The following LMBRD2 variants were observed in gnomAD, a reference collection of about 807,000 sequenced individuals.
LMBRD2 encodes G protein-coupled receptor-associated protein LMBRD2.
LMBRD2 carries 55 observed loss-of-function variants against 94.4 expected under a neutral mutation model. The observed-to-expected ratio is 0.58, with a 90% confidence interval of 0.47 to 0.73. The LOEUF is 0.73. LMBRD2 is among the 30% of genes least tolerant of loss of function. LMBRD2 has a pLI of 0.00. For missense variants in LMBRD2, 640 were observed against 831.9 expected, an observed-to-expected ratio of 0.77 and a Z score of 2.84; for synonymous variants, 246 against 272.4, an observed-to-expected ratio of 0.90 and a Z score of 0.95.
At chr5:36,116,693 T>C in intron 10 of LMBRD2, 100 bp from the exon 11 acceptor site, 1 of 1,247,170 alleles carries the variant, frequency 8.0e-7, no homozygotes, top group Non-Finnish European at 1.1e-6. Flanking sequence ...TTTTGTTTTT[T>C]TGAGATGGAG....
chr5:36,128,778 C>T (rs1266583525), intron 6 of LMBRD2, among the ~76,000 whole-genome samples: 1 of 152,128 alleles, frequency 6.6e-6, no homozygotes, highest in East Asian at 1.9e-4. Flanking sequence ...CCTGAAGACA[C>T]AGAGATATGT....
chr5:36,121,697 T>C (rs368855307), intron 9 of LMBRD2, among the ~76,000 whole-genome samples: 9 of 152,316 alleles, frequency 5.9e-5, no homozygotes, highest in African/African-American at 2.2e-4. Context: ...ATGTGTCACA[T>C]AACAACATTC....
At chr5:36,125,032 GC>G (rs1302748232) in intron 6 of LMBRD2, among the ~76,000 whole-genome samples, 1 of 152,126 alleles carries the variant, frequency 6.6e-6, no homozygotes, top group Non-Finnish European at 1.5e-5. Flanking sequence ...TAGGTGTAAG[GC>G]CCCCGTAATC....
intron 9 of LMBRD2, among the ~76,000 whole-genome samples, chr5:36,120,900 T>C (rs922165009): frequency 2.0e-5 from 3 of 152,168 alleles, no homozygotes; most frequent in Non-Finnish European, 4.4e-5. Flanking sequence ...CCTTTTCTAG[T>C]CTTTTCTGCT....
chr5:36,142,544 C>T lies in LMBRD2; in HGVS notation c.230G>A (p.Ser77Asn). Reference sequence around the variant, plus strand: ...AGTTGCGTACAATCCTGTAATGTTGCTATTCTCAGGAGGGCTTGAATTTGC... The same window carrying T: ...AGTTGCGTACAATCCTGTAATGTTGTTATTCTCAGGAGGGCTTGAATTTGC... The part of the protein sequence containing the change: ...AAANSSPPEN[S>N]NITGLYATAN... The change falls in exon 3 of 18, where the codon AGC becomes AAC. Residue 77 changes from serine to asparagine, a missense_variant. Coordinates refer to ENST00000296603, the MANE Select transcript of LMBRD2 (RefSeq NM_001007527.2). 1 of 1,611,418 alleles carries T rather than the reference C, an allele frequency of 6.2e-7. No individual in the cohort carries two copies. The highest frequency in any genetic ancestry group is 8.5e-7 in the Non-Finnish European group (1 of 1,177,684).
Position 36,151,289 on chromosome 5 carries a change from T to A in LMBRD2, c.-58+267A>T, listed in dbSNP as rs567495660. On this transcript the variant is annotated intron_variant, in intron 1 of 17. Coordinates refer to ENST00000296603, the MANE Select transcript of LMBRD2 (RefSeq NM_001007527.2). The surrounding 1 kb of genome is among the most constrained non-coding windows in gnomAD (Gnocchi z 4.7). ...AATACAGTCCTTTCATTTATTCCCA[T>A]GTTGCTATTTATGAGACCTGTCAAG... Among the ~76,000 whole-genome samples, 3 of 152,304 alleles carry A rather than the reference T, an allele frequency of 2.0e-5. No homozygotes were observed. The highest frequency in any genetic ancestry group is 4.4e-5 in the Non-Finnish European group (3 of 68,022).
intron 6 of LMBRD2, among the ~76,000 whole-genome samples, chr5:36,126,922 T>C (rs1744021338): frequency 6.6e-6 from 1 of 152,216 alleles, no homozygotes; most frequent in Non-Finnish European, 1.5e-5. Flanking sequence ...TCAAACTAAT[T>C]TGGTTTTAAA....
chr5:36,110,076 AC>A, intron 14 of LMBRD2, 85 bp from the exon 15 acceptor site: 1 of 998,972 alleles, frequency 1.0e-6, no homozygotes, highest in Non-Finnish European at 1.6e-6. Context: ...GCGGGCAATG[AC>A]CAGTATTTCT....
intron 4 of LMBRD2, 160 bp downstream of exon 4, chr5:36,140,947 G>A (rs1469709587): frequency 1.3e-5 from 7 of 525,328 alleles, no homozygotes; most frequent in Non-Finnish European, 2.4e-5. Flanking sequence ...AGTAGACAGT[G>A]GATAACTATG....
rs150369870 is a variant in LMBRD2 at position 36,117,264 on chromosome 5, G to A, written c.1302+471C>T. On this transcript the variant is annotated intron_variant, in intron 10 of 17. Transcript: ENST00000296603. ...CTCCTGAAGCAGGACGATCACTTGA[G>A]TGCAAGAGTTCCAGACCAGCCTGGG... Among the ~76,000 whole-genome samples the A allele has an allele frequency of 5.7e-3, 863 of 152,272 alleles. 2 individuals are homozygous for A. Among genetic ancestry groups the A allele is most frequent in the Middle Eastern group, 0.01 (3 of 294 alleles).
At chr5:36,114,590 A>G in intron 12 of LMBRD2, 69 bp from the exon 13 acceptor site, 1 of 1,432,556 alleles carries the variant, frequency 7.0e-7, no homozygotes, top group Non-Finnish European at 9.1e-7. Context: ...CCATCATTAG[A>G]AAATTTGCCT....
Position 36,122,962 on chromosome 5 carries a change from C to CT in LMBRD2, c.823-2dup. 2 of 1,431,272 alleles carry CT rather than the reference C, an allele frequency of 1.4e-6. No individual in the cohort carries two copies. The highest frequency in any genetic ancestry group is 1.8e-6 in the Non-Finnish European group (2 of 1,100,216). The allele number at this position is 1,431,272 out of a possible 1,614,324, so 88.7% of individuals were successfully genotyped here. A position where few individuals can be genotyped will look rare whatever the true frequency, so the allele number is the denominator to read the frequency against. ...TTTTTTCCTGATACTCTGTAGGGCA[C>CT]TAAAAAAAAAAAAAAGTAGATTTTT... On this transcript the variant is annotated splice_acceptor_variant, in intron 7 of 17. Transcript: ENST00000296603. LOFTEE classifies it high-confidence loss of function.
chr5:36,131,986 C>G (rs1744162746), intron 6 of LMBRD2, among the ~76,000 whole-genome samples: 1 of 151,988 alleles, frequency 6.6e-6, no homozygotes, highest in Non-Finnish European at 1.5e-5. Context: ...TATATGGAAC[C>G]ACAAAAGAGC....
chr5:36,136,649 G>A, intron 5 of LMBRD2, 130 bp from the exon 6 acceptor site: 1 of 698,278 alleles, frequency 1.4e-6, no homozygotes, highest in Non-Finnish European at 2.4e-6. Flanking sequence ...ATAATTCATG[G>A]CAATAATATG....
chr5:36,114,430 T>C lies in LMBRD2; in HGVS notation c.1634A>G (p.Tyr545Cys). 6.4e-7 allele frequency: 1 copy of C among 1,556,584 alleles called. No homozygotes were observed. Among genetic ancestry groups the C allele is most frequent in the African/African-American group, 1.4e-5 (1 of 70,682 alleles). ...MLVVILCIAT[Y>C]FSLGTRCLNL... ...ACAATGTTAAGTTTCTTACCTAAAA[T>C]AAGTAGCAATGCAGAGAATTACCAC... Residue 545 changes from tyrosine (Y) to cysteine (C), a missense_variant, in exon 13 of 18, where the codon TAT becomes TGT. Physicochemically the swap from Tyr to Cys is radical, Grantham distance 194. Coordinates refer to ENST00000296603, the MANE Select transcript of LMBRD2 (RefSeq NM_001007527.2).
chr5:36,133,658 G>A (rs1264037133), intron 6 of LMBRD2, among the ~76,000 whole-genome samples: 1 of 152,044 alleles, frequency 6.6e-6, no homozygotes, highest in African/African-American at 2.4e-5. Flanking sequence ...CTATCTATGT[G>A]TACTTACTGC....
intron 6 of LMBRD2, among the ~76,000 whole-genome samples, chr5:36,128,171 C>A (rs1052100728): frequency 6.6e-6 from 1 of 152,204 alleles, no homozygotes; most frequent in African/African-American, 2.4e-5. Context: ...GCACACATCT[C>A]CAAGTTTGCA....
rs1052633504 is a variant in LMBRD2 at position 36,100,064 on chromosome 5, G to C, written c.*3982C>G. ...TCTCTGGGCAAAAAGTCACTGAGTT[G>C]GAAAGAAGTACCTCATACAGATGGG... is the stretch of plus-strand genomic sequence containing the variant. On this transcript the variant is annotated 3_prime_UTR_variant, in exon 18 of 18. Coordinates refer to ENST00000296603, the MANE Select transcript of LMBRD2 (RefSeq NM_001007527.2). 6.6e-6 allele frequency: 1 copy of C among 151,998 alleles called. No homozygotes were observed. Among genetic ancestry groups the C allele is most frequent in the Non-Finnish European group, 1.5e-5 (1 of 67,988 alleles). The allele number at this position is 151,998 out of a possible 1,614,324, so 9.4% of individuals were successfully genotyped here.
chr5:36,116,882 G>C (rs560236049), intron 10 of LMBRD2, among the ~76,000 whole-genome samples: 74 of 151,922 alleles, frequency 4.9e-4, no homozygotes, highest in Middle Eastern at 3.4e-3. Context: ...CACCATGTTT[G>C]CCAGGCTGGT....
Sources: gnomAD v4.1 joint callset for allele counts (sites outside exome capture counted in the v4.1 genomes callset) on GRCh38, gnomAD v4.1.1 for gene constraint, Gnocchi (gnomAD v3.1) non-coding constraint, MANE v1.5 for transcripts, NCBI Gene and HGNC (gene_info 2026-07-23, HGNC 2026-07-21) for gene names.